LRRC63: variants seen among roughly 807,000 people sequenced by gnomAD.
LRRC63 encodes leucine-rich repeat-containing protein 63.
A neutral mutation model predicts 49.5 loss-of-function variants in LRRC63; 40 were observed. The observed-to-expected ratio is 0.81, with a 90% CI of 0.63 to 1.05. The LOEUF (loss-of-function observed/expected upper bound fraction) is 1.05. LRRC63 is among the 50% of genes least tolerant of loss of function. The pLI is 0.00. For missense variants in LRRC63, 636 were observed against 663.1 expected (o/e 0.96, Z 0.45); for synonymous variants, 191 against 221.1 (o/e 0.86, Z 1.21).
intron 5 of LRRC63, among the ~76,000 whole-genome samples, chr13:46,245,853 G>C (rs1049594343): frequency 1.3e-5 from 2 of 152,190 alleles, no homozygotes; most frequent in African/African-American, 2.4e-5. Context: ...AGCAATGTTT[G>C]CTTGTTATTG....
chr13:46,235,434 A>G (rs567531389), intron 5 of LRRC63, among the ~76,000 whole-genome samples: 4 of 152,234 alleles, frequency 2.6e-5, no homozygotes, highest in African/African-American at 9.6e-5. Context: ...AAATACAATA[A>G]CTGAAATGAA....
intron 8 of LRRC63, 55 bp downstream of exon 8, chr13:46,262,047 GA>G (rs2047623002): frequency 1.9e-6 from 1 of 524,894 alleles, no homozygotes; most frequent in African/African-American, 2.0e-5. Flanking sequence ...ATTTAATAAT[GA>G]TTGTGATAGA....
At chr13:46,237,458 A>G (rs1014042137) in intron 5 of LRRC63, among the ~76,000 whole-genome samples, 2 of 152,162 alleles carry the variant, frequency 1.3e-5, no homozygotes, top group Non-Finnish European at 2.9e-5. Flanking sequence ...TGTTGGGGGA[A>G]GGCTATAGGT....
Position 46,261,960 on chromosome 13 carries a change from TA to T in LRRC63, c.1279del (p.Thr427LeufsTer16). The T allele has an allele frequency of 8.5e-7, 1 of 1,179,848 alleles. No individual in the cohort carries two copies. Among genetic ancestry groups the T allele is most frequent in the Non-Finnish European group, 1.1e-6 (1 of 915,740 alleles). 73.1% of individuals were successfully genotyped at this position (1,179,848 alleles called of 1,614,324 possible). A position where few individuals can be genotyped will look rare whatever the true frequency, so the allele number is the denominator to read the frequency against. On this transcript the variant is annotated frameshift_variant, in exon 8 of 10. Transcript: ENST00000595396. LOFTEE classifies it high-confidence loss of function. ...AACTTGATGTTTCCTATAATGAACT[TA>T]CTTTTATTCCAAATGAAATTCAGAA...
At chr13:46,230,733 GC>G (rs1257231090) in intron 4 of LRRC63, among the ~76,000 whole-genome samples, 5 of 152,170 alleles carry the variant, frequency 3.3e-5, no homozygotes, top group Admixed American at 6.5e-5. Flanking sequence ...CTCTCCCAAA[GC>G]TTTTTCTTTC....
At chr13:46,271,147 A>G (rs1238615690) in intron 9 of LRRC63, among the ~76,000 whole-genome samples, 1 of 152,218 alleles carries the variant, frequency 6.6e-6, no homozygotes, top group Non-Finnish European at 1.5e-5. Flanking sequence ...AGCCGACTGC[A>G]GGACTTGAGT....
At chr13:46,246,741 G>T in intron 6 of LRRC63, 116 bp downstream of exon 6, 1 of 449,448 alleles carries the variant, frequency 2.2e-6, no homozygotes, top group Non-Finnish European at 3.7e-6. Context: ...AATGTATTTT[G>T]GATTGCATCT....
At chr13:46,234,125 C>T in intron 4 of LRRC63, 67 bp from the exon 5 acceptor site, 1 of 1,375,694 alleles carries the variant, frequency 7.3e-7, no homozygotes, top group East Asian at 2.5e-5. Context: ...AGATAAATAC[C>T]TCTTAACTTT....
intron 2 of LRRC63, among the ~76,000 whole-genome samples, chr13:46,216,562 A>G (rs1010361927): frequency 6.6e-6 from 1 of 152,194 alleles, no homozygotes; most frequent in Non-Finnish European, 1.5e-5. Flanking sequence ...GTCATCTGCA[A>G]ACAGAGACAA....
chr13:46,220,198 G>T lies in LRRC63; in HGVS notation c.85+7079G>T, dbSNP rs563896895. 3.9e-5 allele frequency among the ~76,000 whole-genome samples: 6 copies of T among 152,326 alleles called. No homozygotes were observed. The South Asian group carries it at 1.2e-3, about 32-fold the overall frequency. Reference sequence around the variant, plus strand: ...AGGAACATTTAAGTCTGCTGAAGCTGCACCCATGGCCGCCTCTTCCCCCAG... The same window carrying T: ...AGGAACATTTAAGTCTGCTGAAGCTTCACCCATGGCCGCCTCTTCCCCCAG... On this transcript the variant is annotated intron_variant, in intron 2 of 9. Coordinates refer to ENST00000595396, the Ensembl canonical transcript of LRRC63.
At chr13:46,230,166 G>A (rs1296040000) in intron 4 of LRRC63, among the ~76,000 whole-genome samples, 1 of 152,044 alleles carries the variant, frequency 6.6e-6, no homozygotes, top group African/African-American at 2.4e-5. Context: ...CTCCACCTCT[G>A]GCCCCTCAAA....
exon 3 of LRRC63, chr13:46,228,174 A>G (rs762570888): frequency 4.5e-6 from 7 of 1,547,096 alleles, no homozygotes; most frequent in Non-Finnish European, 6.1e-6. Context: ...AAAACCTCAC[A>G]GGCAGTCTGT....
chr13:46,234,259 T>C (rs1473347290), exon 5 of LRRC63: 7 of 1,550,328 alleles, frequency 4.5e-6, no homozygotes, highest in Non-Finnish European at 6.1e-6. Context: ...TTAAGACTGT[T>C]GCAGCAACAC....
exon 4 of LRRC63, chr13:46,228,732 A>G (rs2046652010): frequency 6.6e-7 from 1 of 1,524,610 alleles, no homozygotes; most frequent in Non-Finnish European, 8.9e-7. Context: ...GACCACCTGA[A>G]GGTAAATGCT....
chr13:46,234,698 G>T (rs1040415507), intron 5 of LRRC63, among the ~76,000 whole-genome samples: 20 of 152,086 alleles, frequency 1.3e-4, no homozygotes, highest in African/African-American at 4.3e-4. Flanking sequence ...ATCATGAATA[G>T]CAATAATATT....
intron 6 of LRRC63, among the ~76,000 whole-genome samples, chr13:46,248,193 A>C (rs2047270546): frequency 6.6e-6 from 1 of 152,090 alleles, no homozygotes; most frequent in Non-Finnish European, 1.5e-5. Context: ...GATGCAAAAA[A>C]AGGCAGTAGA....
chr13:46,241,856 T>C (rs886267697), intron 5 of LRRC63, among the ~76,000 whole-genome samples: 3 of 152,174 alleles, frequency 2.0e-5, no homozygotes, highest in South Asian at 4.1e-4. Context: ...AAGGAACATT[T>C]ATACACTCTT....
At chr13:46,241,717 A>T (rs548925653) in intron 5 of LRRC63, among the ~76,000 whole-genome samples, 1 of 152,376 alleles carries the variant, frequency 6.6e-6, no homozygotes, top group South Asian at 2.1e-4. Context: ...AGCATGAAAA[A>T]AGCTCAATGT....
exon 2 of LRRC63, chr13:46,213,049 A>G (rs953094033): frequency 6.5e-7 from 1 of 1,548,826 alleles, no homozygotes; most frequent in Non-Finnish European, 8.7e-7. Flanking sequence ...AAAAGCCCCC[A>G]CTGCTTCTTC....
Sources: allele counts gnomAD v4.1 joint callset (sites outside exome capture counted in the v4.1 genomes callset), GRCh38; gene constraint gnomAD v4.1.1; transcripts MANE v1.5; gene names NCBI Gene and HGNC (gene_info 2026-07-23, HGNC 2026-07-21).